MALRD1: variants seen among roughly 807,000 people sequenced by gnomAD.
The protein encoded by MALRD1 is MAM and LDL-receptor class A domain-containing protein 1.
A neutral mutation model predicts 242.1 loss-of-function variants in MALRD1; 247 were observed. That is an observed-to-expected ratio of 1.02 (90% confidence interval 0.92 to 1.13). The LOEUF (loss-of-function observed/expected upper bound fraction) is 1.13, where lower values mean the gene tolerates loss of function less well. Among genes scored for constraint, MALRD1 ranks in the 50% most tolerant of loss-of-function variants. The pLI is 0.00. For synonymous variants in MALRD1, 995 were observed against 866.6 expected (o/e 1.15, Z -2.60); for missense variants, 2,989 against 2,533.1 (o/e 1.18, Z -3.86).
intron 29 of MALRD1, among the ~76,000 whole-genome samples, chr10:19,459,777 CAT>C (rs1835840806): frequency 6.6e-6 from 1 of 150,938 alleles, no homozygotes; most frequent in South Asian, 2.1e-4. Flanking sequence ...TAATTTAAAT[CAT>C]ATTATAATGA....
intron 31 of MALRD1, among the ~76,000 whole-genome samples, chr10:19,499,803 A>T (rs139659052): frequency 6.6e-6 from 1 of 152,334 alleles, no homozygotes; most frequent in African/African-American, 2.4e-5. Flanking sequence ...TAATTTTATT[A>T]TTTATATATT....
chr10:19,350,728 A>G (rs1844336765), intron 25 of MALRD1, among the ~76,000 whole-genome samples: 1 of 152,190 alleles, frequency 6.6e-6, no homozygotes, highest in South Asian at 2.1e-4. Flanking sequence ...ATATAAACGT[A>G]TTTACTGAGA....
rs999920430 is a variant in MALRD1 at position 19,489,358 on chromosome 10, T to G, written c.5030-2159T>G. The G allele has an allele frequency of 5.5e-6, 3 of 541,372 alleles. No individual in the cohort carries two copies. In the African/African-American group the frequency reaches 5.8e-5, roughly 10 times the overall value. The allele number at this position is 541,372 out of a possible 1,614,324, so 33.5% of individuals were successfully genotyped here. A position where few individuals can be genotyped will look rare whatever the true frequency, so the allele number is the denominator to read the frequency against. ...ACGGGGAAAGGAAAACTGAGGAGAG[T>G]CCAGCCTCTGATGAAGCAGGAGAGA... On this transcript the variant is annotated intron_variant, in intron 29 of 39. Coordinates refer to ENST00000454679, the MANE Select transcript of MALRD1 (RefSeq NM_001142308.3).
chr10:19,270,317 T>TTCTC (rs143248846), intron 19 of MALRD1, among the ~76,000 whole-genome samples: 15 of 133,078 alleles, frequency 1.1e-4, no homozygotes, highest in South Asian at 4.9e-4. Flanking sequence ...TCTCTCTCTC[T>TTCTC]TCTCTCTCTC....
chr10:19,719,894 A>G (rs770813270), intron 38 of MALRD1, among the ~76,000 whole-genome samples: 6 of 151,842 alleles, frequency 4.0e-5, no homozygotes, highest in African/African-American at 9.7e-5. Context: ...ATAGTTTACT[A>G]TTTACATTCT....
chr10:19,264,692 A>T (rs1839903355), intron 19 of MALRD1, among the ~76,000 whole-genome samples: 1 of 152,038 alleles, frequency 6.6e-6, no homozygotes, highest in Non-Finnish European at 1.5e-5. Context: ...TGGCCTCGTT[A>T]TCCGCCTGCC....
At chr10:19,317,821 T>C (rs1407339503) in intron 21 of MALRD1, among the ~76,000 whole-genome samples, 1 of 152,076 alleles carries the variant, frequency 6.6e-6, no homozygotes, top group Non-Finnish European at 1.5e-5. Context: ...AGGCAACTTT[T>C]GTGAAAATAG....
intron 29 of MALRD1, chr10:19,488,750 AG>A: frequency 4.6e-6 from 1 of 215,740 alleles, no homozygotes; most frequent in Non-Finnish European, 9.7e-6. Context: ...TGTCTTTATT[AG>A]GGGGTTTGGA....
chr10:19,316,112 A>ACGT (rs1211714124), intron 21 of MALRD1, among the ~76,000 whole-genome samples: 6 of 150,496 alleles, frequency 4.0e-5, no homozygotes, highest in Admixed American at 1.3e-4. Flanking sequence ...TAGTAAATTT[A>ACGT]AGTAATTTAC....
chr10:19,609,273 G>T (rs1423881027), intron 35 of MALRD1, among the ~76,000 whole-genome samples: 2 of 151,756 alleles, frequency 1.3e-5, no homozygotes, highest in East Asian at 3.9e-4. Context: ...ACAGATATTG[G>T]GTTAGAGTAA....
intron 31 of MALRD1, among the ~76,000 whole-genome samples, chr10:19,527,808 TC>T: frequency 6.6e-6 from 1 of 152,348 alleles, no homozygotes; most frequent in South Asian, 2.1e-4. Flanking sequence ...ACCATATTTT[TC>T]TTACTGAAGA....
intron 28 of MALRD1, among the ~76,000 whole-genome samples, chr10:19,393,608 G>A (rs1279497167): frequency 7.0e-6 from 1 of 142,242 alleles, no homozygotes; most frequent in Non-Finnish European, 1.5e-5. Flanking sequence ...ACCACGCCTG[G>A]CTAATTTTTT....
intron 1 of MALRD1, among the ~76,000 whole-genome samples, chr10:19,059,884 T>C (rs1459529619): frequency 6.6e-6 from 1 of 152,134 alleles, no homozygotes; most frequent in Admixed American, 6.5e-5. Context: ...TGAAAAAGGT[T>C]TTCTGTTGTT....
chr10:19,186,178 A>G (rs376715865), intron 14 of MALRD1, among the ~76,000 whole-genome samples: 1 of 152,148 alleles, frequency 6.6e-6, no homozygotes, highest in East Asian at 1.9e-4. Context: ...AAGGCTATCT[A>G]GTTATTTTTC....
intron 14 of MALRD1, among the ~76,000 whole-genome samples, chr10:19,201,431 A>G (rs746897271): frequency 3.3e-5 from 5 of 152,230 alleles, no homozygotes; most frequent in Non-Finnish European, 7.3e-5. Context: ...ACTTATTTCT[A>G]TAGCAATATC....
intron 36 of MALRD1, among the ~76,000 whole-genome samples, chr10:19,636,548 T>C (rs1244554031): frequency 6.6e-6 from 1 of 152,104 alleles, no homozygotes; most frequent in Non-Finnish European, 1.5e-5. Context: ...TAAATATGTA[T>C]AGTAAAAATT....
intron 31 of MALRD1, among the ~76,000 whole-genome samples, chr10:19,524,273 C>T (rs934140358): frequency 8.6e-5 from 13 of 151,990 alleles, no homozygotes; most frequent in South Asian, 2.1e-4. Context: ...GTCAGGAGTT[C>T]GAGATCAGCC....
At chr10:19,243,588 A>G (rs539862211) in intron 18 of MALRD1, among the ~76,000 whole-genome samples, 1 of 152,090 alleles carries the variant, frequency 6.6e-6, no homozygotes, top group African/African-American at 2.4e-5. Flanking sequence ...TGTTACACAT[A>G]GTTACCAACA....
chr10:19,645,997 T>C (rs778783124), intron 36 of MALRD1, among the ~76,000 whole-genome samples: 1 of 152,218 alleles, frequency 6.6e-6, no homozygotes, highest in Non-Finnish European at 1.5e-5. Context: ...TTTGTTTTTG[T>C]TCTTGTGAAC....
Sources: allele counts gnomAD v4.1 joint callset (sites outside exome capture counted in the v4.1 genomes callset), GRCh38; gene constraint gnomAD v4.1.1; transcripts MANE v1.5; gene names NCBI Gene and HGNC (gene_info 2026-07-23, HGNC 2026-07-21).